BCL2: variants seen among roughly 807,000 people sequenced by gnomAD.
BCL2 encodes the protein BCL2 apoptosis regulator, also known as apoptosis regulator Bcl-2.
Under a neutral mutation model 14.2 loss-of-function variants are expected in BCL2, and 1 was observed. The observed-to-expected ratio is 0.07, with a 90% CI of 0.02 to 0.33. The LOEUF (loss-of-function observed/expected upper bound fraction) is 0.33. BCL2 is among the 10% of genes least tolerant of loss of function. The pLI is 0.99. For synonymous variants in BCL2, 151 were observed against 137.2 expected (o/e 1.10, Z -0.70); for missense variants, 247 against 305.9 (o/e 0.81, Z 1.44).
intron 2 of BCL2, among the ~76,000 whole-genome samples, chr18:63,204,994 T>C (rs1364025110): frequency 6.6e-6 from 1 of 151,870 alleles, no homozygotes; most frequent in African/African-American, 2.4e-5. Flanking sequence ...GAAGAGCGAG[T>C]AGTGAATTGG....
At chr18:63,159,154 A>G (rs1316599403) in intron 2 of BCL2, among the ~76,000 whole-genome samples, 1 of 152,184 alleles carries the variant, frequency 6.6e-6, no homozygotes, top group Non-Finnish European at 1.5e-5. Flanking sequence ...CTTCCTCTCT[A>G]GTTTCAAGAT....
intron 2 of BCL2, among the ~76,000 whole-genome samples, chr18:63,271,803 C>G (rs1455901485): frequency 6.6e-6 from 1 of 152,154 alleles, no homozygotes; most frequent in Admixed American, 6.5e-5. Flanking sequence ...CAAGAGCTGA[C>G]CTGGAGGTTT....
Position 63,124,663 on chromosome 18 carries a change from G to A in BCL2, c.*3962C>T, listed in dbSNP as rs45520140. ...TAATTTAAAAAAAAAATCCCTGAAA[G>A]ATCCAAATTGAATAACAATAAAGAT... On this transcript the variant is annotated 3_prime_UTR_variant, in exon 3 of 3. Transcript: ENST00000333681. The A allele has an allele frequency of 2.3e-5, 5 of 217,100 alleles. No individual in the cohort carries two copies. The highest frequency in any genetic ancestry group is 1.4e-3 in the Middle Eastern group (1 of 726). The allele number at this position is 217,100 out of a possible 1,614,324, so 13.4% of individuals were successfully genotyped here.
chr18:63,251,452 G>A (rs554863950), intron 2 of BCL2, among the ~76,000 whole-genome samples: 1 of 151,944 alleles, frequency 6.6e-6, no homozygotes, highest in South Asian at 2.1e-4. Flanking sequence ...GACCATCCCG[G>A]CTAACACGGT....
chr18:63,146,510 G>A (rs754895360), intron 2 of BCL2, among the ~76,000 whole-genome samples: 8 of 152,362 alleles, frequency 5.3e-5, no homozygotes. Flanking sequence ...CGCTCTACAA[G>A]CCTCCTTTAA....
At chr18:63,225,732 G>GCAGGTGAGTAGATGCAGGAGC (rs1305037141) in intron 2 of BCL2, among the ~76,000 whole-genome samples, 47 of 152,324 alleles carry the variant, frequency 3.1e-4, no homozygotes, top group African/African-American at 1.1e-3. Flanking sequence ...GGTGGAGCAC[G>GCAGGTGAGTAGATGCAGGAGC]CAGGTGAGTA....
intron 2 of BCL2, among the ~76,000 whole-genome samples, chr18:63,132,314 G>A (rs1351893285): frequency 6.6e-6 from 1 of 152,186 alleles, no homozygotes; most frequent in Non-Finnish European, 1.5e-5. Context: ...AAGTGAGCTC[G>A]TGGCAGAACA....
At chr18:63,257,186 G>T (rs567004160) in intron 2 of BCL2, among the ~76,000 whole-genome samples, 1 of 152,236 alleles carries the variant, frequency 6.6e-6, no homozygotes, top group South Asian at 2.1e-4. Flanking sequence ...GAAATCCAAA[G>T]TTTGGCTAGC....
rs1406470895 is a variant in BCL2, at chr18:63,149,881, A to G, written c.586-21122T>C. On this transcript the variant is annotated intron_variant, in intron 2 of 2. Transcript: ENST00000333681. The surrounding 1 kb of genome is among the most constrained non-coding windows in gnomAD (Gnocchi z 4.2). ...TATTTATTTATTTATTTATTTATTTATTTATTTATTTTGAGACAGCGTCTC... is the reference window on the plus strand; with the variant it reads ...TATTTATTTATTTATTTATTTATTTGTTTATTTATTTTGAGACAGCGTCTC... 8.1e-6 allele frequency among the ~76,000 whole-genome samples: 1 copy of G among 123,622 alleles called. No individual in the cohort carries two copies. The highest frequency in any genetic ancestry group is 1.9e-5 in the Non-Finnish European group (1 of 52,032). 81.1% of individuals were successfully genotyped at this position (123,622 alleles called of 152,430 possible). A position where few individuals can be genotyped will look rare whatever the true frequency, so the allele number is the denominator to read the frequency against.
chr18:63,168,538 T>C (rs1303090864), intron 2 of BCL2, among the ~76,000 whole-genome samples: 1 of 152,198 alleles, frequency 6.6e-6, no homozygotes, highest in African/African-American at 2.4e-5. Flanking sequence ...CACGGACTGA[T>C]GACTCTGCAT....
At chr18:63,173,921 T>C (rs1046592793) in intron 2 of BCL2, among the ~76,000 whole-genome samples, 4 of 152,180 alleles carry the variant, frequency 2.6e-5, no homozygotes, top group Admixed American at 2.6e-4. Context: ...GAGAAAAACA[T>C]AATAAGAATT....
Position 63,318,118 on chromosome 18 carries a change from C to A in BCL2, c.549G>T (p.Arg183=), listed in dbSNP as rs1220030497. ...TATCCTGGATCCAGGTGTGCAGGTG[C>A]CGGTTCAGGTACTCAGTCATCCACA... ...IALWMTEYLN[R]HLHTWIQDNG... The change falls in exon 2 of 3, where the codon CGG becomes CGT. Residue 183 remains arginine, a synonymous_variant. Coordinates refer to ENST00000333681, the MANE Select transcript of BCL2 (RefSeq NM_000633.3). This position sits in a 1 kb window ranked among gnomAD's most constrained non-coding sequence, Gnocchi z 7.4. 6.2e-7 allele frequency: 1 copy of A among 1,614,114 alleles called. No individual in the cohort carries two copies. Among genetic ancestry groups the A allele is most frequent in the South Asian group, 1.1e-5 (1 of 91,080 alleles).
At chr18:63,274,013 C>T (rs1912077974) in intron 2 of BCL2, among the ~76,000 whole-genome samples, 1 of 152,094 alleles carries the variant, frequency 6.6e-6, no homozygotes, top group Non-Finnish European at 1.5e-5. Context: ...ACATTTTTTT[C>T]CAAGAAGGGA....
intron 2 of BCL2, among the ~76,000 whole-genome samples, chr18:63,156,798 C>T (rs1914795230): frequency 6.6e-6 from 1 of 152,196 alleles, no homozygotes; most frequent in Non-Finnish European, 1.5e-5. Context: ...GGACTCCACA[C>T]CCAAAGCCCT....
rs1913857370 is a variant in BCL2 at position 63,124,476 on chromosome 18, T to G, written c.*4149A>C. On this transcript the variant is annotated 3_prime_UTR_variant, in exon 3 of 3. Transcript: ENST00000333681. ...AATGTTTCTCATTTGTCACACAAGG[T>G]TCTTCGCAGAGGCATCACATCGACC... 4.3e-6 allele frequency: 1 copy of G among 231,626 alleles called. No individual in the cohort carries two copies. Among genetic ancestry groups the G allele is most frequent in the Non-Finnish European group, 8.5e-6 (1 of 117,106 alleles). The allele number at this position is 231,626 out of a possible 1,614,324, so 14.3% of individuals were successfully genotyped here.
chr18:63,225,461 T>C (rs966484235), intron 2 of BCL2, among the ~76,000 whole-genome samples: 1 of 152,228 alleles, frequency 6.6e-6, no homozygotes, highest in Admixed American at 6.5e-5. Flanking sequence ...ATATACAAAG[T>C]TATATTCTTT....
In BCL2 at chr18:63,319,549, T is replaced by G. The variant is rs1913629236; in HGVS notation, c.-662A>C. On this transcript the variant is annotated 5_prime_UTR_variant, in exon 1 of 3. An upstream start codon of the reference 5' UTR is lost. Transcript: ENST00000333681. ...GCGCACACACGCGCGGGCACAGGCA[T>G]GAATCTCTATCCACGGGACCGCTTC... The G allele has an allele frequency of 4.4e-6, 1 of 228,584 alleles. No individual in the cohort carries two copies. Among genetic ancestry groups the G allele is most frequent in the African/African-American group, 2.2e-5 (1 of 45,040 alleles). The allele number at this position is 228,584 out of a possible 1,614,324, so 14.2% of individuals were successfully genotyped here. A position where few individuals can be genotyped will look rare whatever the true frequency, so the allele number is the denominator to read the frequency against.
chr18:63,297,237 T>C (rs1399613007), intron 2 of BCL2, among the ~76,000 whole-genome samples: 1 of 152,040 alleles, frequency 6.6e-6, no homozygotes, highest in Non-Finnish European at 1.5e-5. Context: ...GAAAGAAATA[T>C]AATGGGAACC....
At chr18:63,268,969 T>C (rs1348949229) in intron 2 of BCL2, among the ~76,000 whole-genome samples, 1 of 151,940 alleles carries the variant, frequency 6.6e-6, no homozygotes, top group African/African-American at 2.4e-5. Context: ...TTTTTTTAAA[T>C]ACAGAGTCTT....
Sources: gnomAD v4.1 joint callset for allele counts (sites outside exome capture counted in the v4.1 genomes callset) on GRCh38, gnomAD v4.1.1 for gene constraint, Gnocchi (gnomAD v3.1) non-coding constraint, MANE v1.5 for transcripts, NCBI Gene and HGNC (gene_info 2026-07-23, HGNC 2026-07-21) for gene names.